Variants in RANBP17 observed in about 807,000 individuals in gnomAD.
RANBP17 encodes RAN binding protein 17, also known as ran-binding protein 17.
RANBP17 carries 158 observed loss-of-function variants against 141.2 expected under a neutral mutation model. The ratio of observed to expected loss-of-function variants is 1.12; its 90% confidence interval spans 0.98 to 1.28. The LOEUF (loss-of-function observed/expected upper bound fraction) is 1.28. RANBP17 is among the 50% of genes most tolerant of loss of function. The probability of loss-of-function intolerance (pLI) is 0.00; values close to 1 mark genes in which losing one functional copy is unlikely to be tolerated. For missense variants in RANBP17, 1,438 were observed against 1,290.7 expected, an observed-to-expected ratio of 1.11 and a Z score of -1.75; for synonymous variants, 430 against 450.0, an observed-to-expected ratio of 0.96 and a Z score of 0.56.
intron 13 of RANBP17, among the ~76,000 whole-genome samples, chr5:170,961,239 T>G (rs1196029016): frequency 1.3e-5 from 2 of 152,228 alleles, no homozygotes; most frequent in Non-Finnish European, 2.9e-5. Flanking sequence ...TCTTGTACTT[T>G]GTTGTATTTT....
chr5:170,911,543 A>C lies in RANBP17; in HGVS notation c.760+409A>C. The C allele has an allele frequency of 1.9e-5, 14 of 728,560 alleles. 1 individual carries two copies. The South Asian group carries it at 2.0e-4, about 10-fold the overall frequency. The allele number at this position is 728,560 out of a possible 1,614,324, so 45.1% of individuals were successfully genotyped here. A position where few individuals can be genotyped will look rare whatever the true frequency, so the allele number is the denominator to read the frequency against. ...AAAATCTGGTAATGAAGGTCTTGAA[A>C]CTGGTCCTTAACTGCCTTAACTTTG... On this transcript the variant is annotated intron_variant, in intron 7 of 27. Transcript: ENST00000523189.
intron 14 of RANBP17, among the ~76,000 whole-genome samples, chr5:170,997,919 A>G (rs1228310312): frequency 6.6e-6 from 1 of 152,046 alleles, no homozygotes; most frequent in Non-Finnish European, 1.5e-5. Flanking sequence ...ATTTTCCAGT[A>G]TTATTTCTTA....
intron 14 of RANBP17, among the ~76,000 whole-genome samples, chr5:171,052,384 C>T (rs529988752): frequency 1.3e-5 from 2 of 151,874 alleles, no homozygotes; most frequent in Non-Finnish European, 2.9e-5. Context: ...ACTTTTAGCT[C>T]TTGTATTTTG....
At chr5:171,211,450 C>T (rs1762880085) in intron 20 of RANBP17, among the ~76,000 whole-genome samples, 1 of 152,056 alleles carries the variant, frequency 6.6e-6, no homozygotes, top group South Asian at 2.1e-4. Context: ...TTAGTAGAGA[C>T]AGGGTTTCAC....
Position 171,240,969 on chromosome 5 carries a change from A to T in RANBP17, c.2464A>T (p.Ile822Phe). The T allele has an allele frequency of 6.2e-7, 1 of 1,613,922 alleles. No homozygotes were observed. The highest frequency in any genetic ancestry group is 1.3e-5 in the African/African-American group (1 of 75,028). The change falls in exon 23 of 28, where the codon ATT becomes TTT. Residue 822 changes from isoleucine (I) to phenylalanine (F), a missense_variant. Transcript: ENST00000523189. Reference sequence around the variant, plus strand: ...CCTTGGGAGCCTCTCAAAAGATCAGATTTATCCAATGAAACTCAAGGGCAT... The same window carrying T: ...CCTTGGGAGCCTCTCAAAAGATCAGTTTTATCCAATGAAACTCAAGGGCAT... ...LSLGSLSKDQ[I>F]YPMKLKGISI...
intron 12 of RANBP17, among the ~76,000 whole-genome samples, chr5:170,950,079 C>T (rs552766684): frequency 5.7e-4 from 86 of 152,010 alleles, no homozygotes; most frequent in Non-Finnish European, 1.2e-3. Context: ...TACCTCTTAC[C>T]GTATACAAAA....
At chr5:171,293,859 T>C in intron 25 of RANBP17, 24 bp from the exon 26 acceptor site, 1 of 1,569,390 alleles carries the variant, frequency 6.4e-7, no homozygotes, top group Middle Eastern at 1.7e-4. Context: ...GGCATCTCAA[T>C]CTTTATGTGA....
rs575796752 is a variant in RANBP17, at chr5:171,147,808, C to T, written c.1711-22322C>T. On this transcript the variant is annotated intron_variant, in intron 14 of 27. Coordinates refer to ENST00000523189, the MANE Select transcript of RANBP17 (RefSeq NM_022897.5). ...GCCCGGCCAGCCGCCCCGTCCGGGACGTGAGGGGTGCCTCTGCCCGGCCGC... is the reference window on the plus strand; with the variant it reads ...GCCCGGCCAGCCGCCCCGTCCGGGATGTGAGGGGTGCCTCTGCCCGGCCGC... Among the ~76,000 whole-genome samples the T allele has an allele frequency of 1.3e-3, 201 of 152,250 alleles. 9 individuals are homozygous for T. The South Asian group carries it at 0.039, about 30-fold the overall frequency.
intron 3 of RANBP17, among the ~76,000 whole-genome samples, chr5:170,888,184 C>T (rs887818397): frequency 3.9e-5 from 6 of 152,054 alleles, no homozygotes; most frequent in Non-Finnish European, 5.9e-5. Flanking sequence ...GTATGGTGTT[C>T]GGTATTGTGT....
In RANBP17 at chr5:170,959,129, A is replaced by C. The variant is rs975873198; in HGVS notation, c.1574+5427A>C. On this transcript the variant is annotated intron_variant, in intron 13 of 27. Transcript: ENST00000523189. ...TTGAGTGCTAGCTTCTTTCAGACCT[A>C]TTCTACTTAGCTGTGCCACCCTGTG... 2.6e-5 allele frequency among the ~76,000 whole-genome samples: 4 copies of C among 152,266 alleles called. No individual in the cohort carries two copies. In the East Asian group the frequency reaches 7.7e-4, roughly 29 times the overall value.
intron 12 of RANBP17, among the ~76,000 whole-genome samples, chr5:170,925,210 G>T (rs552772502): frequency 1.1e-4 from 16 of 152,194 alleles, no homozygotes; most frequent in South Asian, 6.2e-4. Flanking sequence ...TTTAGTAAGA[G>T]ATCATAATCA....
At chr5:171,013,510 T>G (rs1480111942) in intron 14 of RANBP17, among the ~76,000 whole-genome samples, 1 of 152,184 alleles carries the variant, frequency 6.6e-6, no homozygotes, top group Non-Finnish European at 1.5e-5. Context: ...GCAGCACTAT[T>G]AGTTGAAAAG....
intron 14 of RANBP17, among the ~76,000 whole-genome samples, chr5:170,979,833 G>T (rs1777636686): frequency 6.6e-6 from 1 of 152,202 alleles, no homozygotes; most frequent in South Asian, 2.1e-4. Flanking sequence ...GGTACTGGGA[G>T]TGGGACATTG....
At chr5:171,010,414 A>G (rs1466939772) in intron 14 of RANBP17, among the ~76,000 whole-genome samples, 1 of 152,226 alleles carries the variant, frequency 6.6e-6, no homozygotes, top group Non-Finnish European at 1.5e-5. Flanking sequence ...CTTACAGGTT[A>G]AGGTGATCCT....
chr5:171,156,219 G>C (rs1758884760), intron 14 of RANBP17, among the ~76,000 whole-genome samples: 1 of 151,960 alleles, frequency 6.6e-6, no homozygotes, highest in Admixed American at 6.6e-5. Flanking sequence ...CACATTCTGG[G>C]TTACATTCCA....
intron 25 of RANBP17, among the ~76,000 whole-genome samples, chr5:171,291,459 C>T (rs1459209563): frequency 6.6e-6 from 1 of 152,164 alleles, no homozygotes; most frequent in African/African-American, 2.4e-5. Context: ...GATTGGAGCC[C>T]CAGCTCACGC....
intron 14 of RANBP17, among the ~76,000 whole-genome samples, chr5:171,013,751 C>A (rs1018104194): frequency 5.9e-5 from 9 of 151,940 alleles, no homozygotes; most frequent in African/African-American, 2.2e-4. Flanking sequence ...TAGTTTTGTG[C>A]CTCTCCATGC....
chr5:171,105,381 CAAAAAAAA>C lies in RANBP17; in HGVS notation c.1711-64731_1711-64724del, dbSNP rs1167025699. ...TGGGCGACAGAGCGAGACTCCGTCT[CAAAAAAAA>C]AAAAAAAAAAAAAAAAATTTTCCTG... On this transcript the variant is annotated intron_variant, in intron 14 of 27. Transcript: ENST00000523189. Among the ~76,000 whole-genome samples the C allele has an allele frequency of 5.2e-4, 28 of 54,292 alleles. No individual in the cohort carries two copies. In the East Asian group the frequency reaches 9.5e-3, roughly 18 times the overall value. 35.6% of individuals were successfully genotyped at this position (54,292 alleles called of 152,430 possible).
intron 14 of RANBP17, among the ~76,000 whole-genome samples, chr5:171,017,719 T>C (rs888981056): frequency 6.6e-6 from 1 of 152,256 alleles, no homozygotes; most frequent in Admixed American, 6.5e-5. Context: ...TTGACTCTGA[T>C]GATCGTTTCT....
Sources: allele counts gnomAD v4.1 joint callset (sites outside exome capture counted in the v4.1 genomes callset), GRCh38; gene constraint gnomAD v4.1.1; transcripts MANE v1.5; gene names NCBI Gene and HGNC (gene_info 2026-07-23, HGNC 2026-07-21).